Variants in TP53BP1 observed in about 807,000 individuals in gnomAD.
The protein encoded by TP53BP1 is tumor protein p53 binding protein 1.
TP53BP1 carries 61 observed loss-of-function variants against 200.8 expected under a neutral mutation model. The ratio of observed to expected loss-of-function variants is 0.30; its 90% confidence interval spans 0.25 to 0.38. The LOEUF (loss-of-function observed/expected upper bound fraction) is 0.38, where lower values mean the gene tolerates loss of function less well. TP53BP1 is among the 10% of genes least tolerant of loss of function. The pLI, the probability that TP53BP1 is intolerant of heterozygous loss-of-function variation, is 1.00. For missense variants in TP53BP1, 2,144 were observed against 2,371.9 expected (o/e 0.90, Z 2.00); for synonymous variants, 822 against 844.3 (o/e 0.97, Z 0.46).
At chr15:43,420,904 C>T (rs1189004101) in intron 20 of TP53BP1, 121 bp downstream of exon 20, 13 of 1,374,718 alleles carry the variant, frequency 9.5e-6, no homozygotes, top group South Asian at 2.8e-5. Flanking sequence ...TCCCTGCCCA[C>T]TCCCCAGTCA....
chr15:43,408,703 T>C, intron 26 of TP53BP1, 194 bp downstream of exon 26: 1 of 590,154 alleles, frequency 1.7e-6, no homozygotes, highest in South Asian at 2.1e-5. Context: ...TTCACACATT[T>C]GCAAAAGGTT....
chr15:43,465,396 T>A (rs2046550810), intron 11 of TP53BP1, among the ~76,000 whole-genome samples: 1 of 152,080 alleles, frequency 6.6e-6, no homozygotes, highest in African/African-American at 2.4e-5. Context: ...GTGAATTACA[T>A]CTCAATATAG....
In TP53BP1 at chr15:43,446,487, A is replaced by G; in HGVS notation, c.2940T>C (p.Ser980=). The change falls in exon 14 of 28, where the codon TCT becomes TCC. Residue 980 remains serine (S), a synonymous_variant. Transcript: ENST00000382044. ...DPILGSGKGD[S]GAAPDVDDKL... is the part of the protein sequence containing the mutation. ...TATCATCCACGTCTGGGGCAGCCCC[A>G]GAATCCCCTTTTCCACTCCCAAGTA... The G allele has an allele frequency of 6.2e-7, 1 of 1,614,222 alleles. No individual in the cohort carries two copies. Among genetic ancestry groups the G allele is most frequent in the Non-Finnish European group, 8.5e-7 (1 of 1,180,040 alleles).
chr15:43,473,639 CAG>C (rs1566956255), intron 10 of TP53BP1, among the ~76,000 whole-genome samples: 1 of 151,722 alleles, frequency 6.6e-6, no homozygotes, highest in Non-Finnish European at 1.5e-5. Context: ...CAGCCAGATA[CAG>C]AGTGTGGATT....
At chr15:43,501,880 A>G (rs987382910) in intron 1 of TP53BP1, among the ~76,000 whole-genome samples, 2 of 152,238 alleles carry the variant, frequency 1.3e-5, no homozygotes, top group Admixed American at 1.3e-4. Flanking sequence ...ACTATTATAA[A>G]TAAAGTTGCT....
intron 4 of TP53BP1, among the ~76,000 whole-genome samples, chr15:43,486,368 T>G (rs1442574080): frequency 6.6e-6 from 1 of 152,018 alleles, no homozygotes; most frequent in Non-Finnish European, 1.5e-5. Context: ...AGAGCGAAAC[T>G]CGGTCTCAAA....
chr15:43,490,551 A>C (rs1385824824), intron 4 of TP53BP1, among the ~76,000 whole-genome samples: 1 of 152,162 alleles, frequency 6.6e-6, no homozygotes, highest in East Asian at 1.9e-4. Context: ...AAGAAAAAAC[A>C]ATAGTCTTTA....
intron 18 of TP53BP1, among the ~76,000 whole-genome samples, chr15:43,427,137 C>T (rs545937065): frequency 4.1e-4 from 62 of 151,970 alleles, no homozygotes; most frequent in Middle Eastern, 3.4e-3. Context: ...TCTGTCTAAT[C>T]TCTCTCATTA....
intron 16 of TP53BP1, among the ~76,000 whole-genome samples, chr15:43,437,708 AC>A (rs1225236173): frequency 2.0e-5 from 3 of 152,254 alleles, no homozygotes; most frequent in African/African-American, 2.4e-5. Flanking sequence ...AAAATATTTA[AC>A]AAAATTTCTC....
At chr15:43,408,412 T>C (rs1293412538) in intron 26 of TP53BP1, 3 of 285,370 alleles carry the variant, frequency 1.1e-5, no homozygotes, top group Admixed American at 4.8e-5. Flanking sequence ...GCCTGGGAGG[T>C]TGAGGCTGCA....
chr15:43,408,480 TAAA>T, intron 26 of TP53BP1: 1 of 259,938 alleles, frequency 3.8e-6, no homozygotes, highest in South Asian at 5.3e-5. Flanking sequence ...GACTTCATCT[TAAA>T]AAACTAAGCC....
chr15:43,446,795 T>G (rs748132208), intron 13 of TP53BP1: 126 of 1,504,220 alleles, frequency 8.4e-5, no homozygotes, highest in Non-Finnish European at 1.0e-4. Context: ...CAGGATTCAG[T>G]TCCACTTCTG....
chr15:43,432,770 AG>A (rs2045702171), intron 16 of TP53BP1, 93 bp from the exon 17 acceptor site: 3 of 1,352,472 alleles, frequency 2.2e-6, no homozygotes, highest in Non-Finnish European at 3.0e-6. Flanking sequence ...TGTAGTGGCA[AG>A]GGGGGAGCCA....
chr15:43,489,593 T>C lies in TP53BP1; in HGVS notation c.371+2076A>G, dbSNP rs530215440. Among the ~76,000 whole-genome samples, 3 of 152,362 alleles carry C rather than the reference T, an allele frequency of 2.0e-5. No individual in the cohort carries two copies. In the South Asian group the frequency reaches 6.2e-4, roughly 32 times the overall value. On this transcript the variant is annotated intron_variant, in intron 4 of 27. Coordinates refer to ENST00000382044, the MANE Select transcript of TP53BP1 (RefSeq NM_001141980.3). ...GTACAATAATGAATTGTAGTGACTATGGCAAATCATAGCACTAATGCTCCA... is the reference window on the plus strand; with the variant it reads ...GTACAATAATGAATTGTAGTGACTACGGCAAATCATAGCACTAATGCTCCA...
Position 43,403,786 on chromosome 15 carries a change from G to T in TP53BP1, c.*3597C>A. On this transcript the variant is annotated 3_prime_UTR_variant, in exon 28 of 28. Coordinates refer to ENST00000382044, the MANE Select transcript of TP53BP1 (RefSeq NM_001141980.3). ...GATGAGCGTGGAGCCGCCCAGCTGA[G>T]CATTCTCGTGAAGGTGCGTCTGCCT... 6.2e-7 allele frequency: 1 copy of T among 1,613,816 alleles called. No homozygotes were observed. Among genetic ancestry groups the T allele is most frequent in the Non-Finnish European group, 8.5e-7 (1 of 1,179,800 alleles).
upstream of TP53BP1, among the ~76,000 whole-genome samples, chr15:43,496,217 A>C (rs1350933343): frequency 1.3e-5 from 2 of 152,188 alleles, no homozygotes; most frequent in Non-Finnish European, 2.9e-5. Flanking sequence ...TTTTTCTTCT[A>C]ATATTAATCT....
chr15:43,409,519 G>A lies in TP53BP1; in HGVS notation c.5400+128C>T, dbSNP rs914080787. ...TATTTCATGCAAAAACATTTTGGCA[G>A]TTTCTCAGTTCCTGAAATCTCTGGC... On this transcript the variant is annotated intron_variant, in intron 25 of 27. Transcript: ENST00000382044. 1.1e-5 allele frequency: 6 copies of A among 530,562 alleles called. No individual in the cohort carries two copies. The African/African-American group carries it at 1.2e-4, about 10-fold the overall frequency. The allele number at this position is 530,562 out of a possible 1,614,324, so 32.9% of individuals were successfully genotyped here. A position where few individuals can be genotyped will look rare whatever the true frequency, so the allele number is the denominator to read the frequency against.
intron 18 of TP53BP1, among the ~76,000 whole-genome samples, chr15:43,423,221 G>A (rs941452781): frequency 2.0e-5 from 3 of 150,286 alleles, no homozygotes; most frequent in East Asian, 1.9e-4. Flanking sequence ...AGCAATGTTC[G>A]CTATGGGCAC....
At chr15:43,427,877 A>T in intron 18 of TP53BP1, 139 bp downstream of exon 18, 1 of 621,070 alleles carries the variant, frequency 1.6e-6, no homozygotes, top group Non-Finnish European at 2.8e-6. Flanking sequence ...GGATCACTTG[A>T]GCCTGGGAGG....
Sources: gnomAD v4.1 joint callset for allele counts (sites outside exome capture counted in the v4.1 genomes callset) on GRCh38, gnomAD v4.1.1 for gene constraint, MANE v1.5 for transcripts, NCBI Gene and HGNC (gene_info 2026-07-23, HGNC 2026-07-21) for gene names.